Variants in DLC1 observed in about 807,000 individuals in gnomAD.
DLC1 encodes rho GTPase-activating protein 7.
A neutral mutation model predicts 140.3 loss-of-function variants in DLC1; 54 were observed. That is an observed-to-expected ratio of 0.38 (90% CI 0.31 to 0.48). The LOEUF (loss-of-function observed/expected upper bound fraction) is 0.48, where lower values mean the gene tolerates loss of function less well. Among genes scored for constraint, DLC1 ranks in the 20% least tolerant of loss-of-function variants. DLC1 has a pLI of 0.96. For synonymous variants in DLC1, 986 were observed against 728.1 expected (o/e 1.35, Z -5.70); for missense variants, 2,536 against 1,907.0 (o/e 1.33, Z -6.14).
intron 4 of DLC1, among the ~76,000 whole-genome samples, chr8:13,385,339 A>G (rs552154314): frequency 1.1e-4 from 16 of 152,302 alleles, no homozygotes; most frequent in East Asian, 3.9e-4. Flanking sequence ...CATAACATCA[A>G]TGGATTTTCC....
intron 5 of DLC1, among the ~76,000 whole-genome samples, chr8:13,121,626 G>C (rs1821079399): frequency 6.6e-6 from 1 of 152,102 alleles, no homozygotes; most frequent in Non-Finnish European, 1.5e-5. Context: ...ACAGCTCTCT[G>C]TAGCCTTGAA....
intron 5 of DLC1, among the ~76,000 whole-genome samples, chr8:13,124,022 A>C (rs1218629415): frequency 6.6e-6 from 1 of 152,194 alleles, no homozygotes; most frequent in Non-Finnish European, 1.5e-5. Flanking sequence ...AACTATTATA[A>C]AAGAAGTTTC....
intron 10 of DLC1, 147 bp from the exon 11 acceptor site, chr8:13,095,392 A>C: frequency 1.0e-6 from 1 of 997,114 alleles, no homozygotes; most frequent in South Asian, 1.6e-5. Flanking sequence ...AAAATGACAA[A>C]TTCAGTTCCC....
chr8:13,526,843 G>C (rs2117297362), intron 1 of DLC1, among the ~76,000 whole-genome samples: 1 of 152,170 alleles, frequency 6.6e-6, no homozygotes, highest in East Asian at 1.9e-4. Context: ...AACGGGTGCA[G>C]CACACCAACA....
At chr8:13,493,552 C>T (rs898063526) in intron 2 of DLC1, among the ~76,000 whole-genome samples, 1 of 152,122 alleles carries the variant, frequency 6.6e-6, no homozygotes, top group African/African-American at 2.4e-5. Flanking sequence ...TGTCTGAGAA[C>T]ATATGTGCTG....
chr8:13,453,548 A>ATG (rs1799250362), intron 2 of DLC1, among the ~76,000 whole-genome samples: 2 of 45,168 alleles, frequency 4.4e-5, no homozygotes, highest in African/African-American at 1.3e-4. Context: ...ACATATATAT[A>ATG]TATATATATT....
chr8:13,146,785 C>A (rs1331337273), intron 5 of DLC1, among the ~76,000 whole-genome samples: 1 of 152,094 alleles, frequency 6.6e-6, no homozygotes, highest in Admixed American at 6.5e-5. Context: ...CAGAAAGTCA[C>A]AAGGAAAAGC....
intron 4 of DLC1, among the ~76,000 whole-genome samples, chr8:13,379,512 A>G (rs1836158462): frequency 6.6e-6 from 1 of 152,212 alleles, no homozygotes; most frequent in South Asian, 2.1e-4. Context: ...AGTGTCGAAT[A>G]TCCCGTGTAA....
At chr8:13,536,887 C>G (rs1165928317) in intron 1 of DLC1, among the ~76,000 whole-genome samples, 3 of 152,086 alleles carry the variant, frequency 2.0e-5, no homozygotes, top group Non-Finnish European at 4.4e-5. Context: ...CTCAGAGCAT[C>G]CAGTAATCTG....
chr8:13,089,030 G>A (rs576530693), intron 15 of DLC1, among the ~76,000 whole-genome samples: 6 of 152,152 alleles, frequency 3.9e-5, no homozygotes, highest in African/African-American at 1.4e-4. Flanking sequence ...AAGCCGAGGC[G>A]GGTGGATCAT....
intron 4 of DLC1, among the ~76,000 whole-genome samples, chr8:13,323,068 C>T (rs1000212974): frequency 6.6e-6 from 1 of 152,194 alleles, no homozygotes; most frequent in Non-Finnish European, 1.5e-5. Context: ...CACTCCAGGC[C>T]TAGTCAAGTC....
intron 5 of DLC1, among the ~76,000 whole-genome samples, chr8:13,301,659 A>G (rs112953405): frequency 0.051 from 7,757 of 152,238 alleles, 248 homozygotes; most frequent in South Asian, 0.12. Flanking sequence ...TAGAGCAGGG[A>G]TCCCCAACCC....
At chr8:13,125,284 C>T (rs1349535104) in intron 5 of DLC1, among the ~76,000 whole-genome samples, 3 of 152,168 alleles carry the variant, frequency 2.0e-5, no homozygotes, top group Non-Finnish European at 2.9e-5. Context: ...GCCTAATTTG[C>T]TTTTTAAGAG....
chr8:13,116,531 T>G (rs989520455), intron 5 of DLC1, among the ~76,000 whole-genome samples: 1 of 152,184 alleles, frequency 6.6e-6, no homozygotes, highest in African/African-American at 2.4e-5. Context: ...GTTCACTCAT[T>G]TATAAAGGTC....
At chr8:13,217,339 A>G (rs1489557297) in intron 5 of DLC1, among the ~76,000 whole-genome samples, 12 of 152,166 alleles carry the variant, frequency 7.9e-5, no homozygotes, top group African/African-American at 1.4e-4. Flanking sequence ...CGTTATTAAT[A>G]TCAACAATTC....
At chr8:13,159,363 C>G (rs1001760060) in intron 5 of DLC1, among the ~76,000 whole-genome samples, 2 of 152,166 alleles carry the variant, frequency 1.3e-5, no homozygotes, top group African/African-American at 4.8e-5. Context: ...CCCAGAGGCT[C>G]AGTACTGGGT....
intron 2 of DLC1, among the ~76,000 whole-genome samples, chr8:13,464,746 TTATATATATATATATATA>T (rs1177098652): frequency 1.8e-4 from 24 of 130,926 alleles, no homozygotes; most frequent in African/African-American, 6.6e-4. Context: ...GAATTTTAAA[TTATATATATATATATATA>T]TTTATATATA....
At chr8:13,422,377 A>G (rs535752176) in intron 2 of DLC1, among the ~76,000 whole-genome samples, 1 of 151,992 alleles carries the variant, frequency 6.6e-6, no homozygotes, top group South Asian at 2.1e-4. Flanking sequence ...TAGTATTTCA[A>G]CACTAGAAAG....
chr8:13,305,172 A>T (rs2117518962), intron 5 of DLC1, 97 bp downstream of exon 5: 1 of 1,519,850 alleles, frequency 6.6e-7, no homozygotes, highest in Middle Eastern at 2.3e-4. Context: ...TATTCATGAG[A>T]TGTATACATT....
Sources: gnomAD v4.1 joint callset for allele counts (sites outside exome capture counted in the v4.1 genomes callset) on GRCh38, gnomAD v4.1.1 for gene constraint, MANE v1.5 for transcripts, NCBI Gene and HGNC (gene_info 2026-07-23, HGNC 2026-07-21) for gene names.